Variants in ADGRB3 observed in about 807,000 individuals in gnomAD.
The protein encoded by ADGRB3 is adhesion G protein-coupled receptor B3, also known as brain-specific angiogenesis inhibitor 3.
ADGRB3 carries 37 observed loss-of-function variants against 193.4 expected under a neutral mutation model. That is an observed-to-expected ratio of 0.19 (90% CI 0.15 to 0.25). The LOEUF (loss-of-function observed/expected upper bound fraction) is 0.25. Among genes scored for constraint, ADGRB3 ranks in the 10% least tolerant of loss-of-function variants. ADGRB3 has a pLI of 1.00. For missense variants in ADGRB3, 1,637 were observed against 1,852.9 expected (o/e 0.88, Z 2.14); for synonymous variants, 690 against 644.2 (o/e 1.07, Z -1.08).
chr6:68,852,987 C>G (rs933820067), intron 3 of ADGRB3, among the ~76,000 whole-genome samples: 1 of 152,034 alleles, frequency 6.6e-6, no homozygotes, highest in East Asian at 1.9e-4. Context: ...GCCATATATA[C>G]TGCTCAGCAG....
At chr6:69,309,169 C>A (rs1453788958) in intron 20 of ADGRB3, among the ~76,000 whole-genome samples, 1 of 151,624 alleles carries the variant, frequency 6.6e-6, no homozygotes, top group Non-Finnish European at 1.5e-5. Flanking sequence ...TTTCACACAA[C>A]AAATATTTAT....
chr6:69,386,576 C>A (rs564784708), intron 31 of ADGRB3, among the ~76,000 whole-genome samples: 1 of 152,216 alleles, frequency 6.6e-6, no homozygotes, highest in South Asian at 2.1e-4. Flanking sequence ...AGTAGCCAGG[C>A]ATTCAGAATC....
intron 20 of ADGRB3, among the ~76,000 whole-genome samples, chr6:69,267,331 T>C (rs1008671173): frequency 3.9e-5 from 6 of 152,094 alleles, no homozygotes; most frequent in African/African-American, 1.4e-4. Context: ...TAGGAGTCAG[T>C]GTCAAAACCC....
chr6:69,212,608 C>T (rs1236719973), intron 17 of ADGRB3, among the ~76,000 whole-genome samples: 1 of 152,014 alleles, frequency 6.6e-6, no homozygotes, highest in Non-Finnish European at 1.5e-5. Context: ...AATTGCACTG[C>T]TTGATTGTCC....
At chr6:69,209,357 A>G (rs1765606676) in intron 17 of ADGRB3, among the ~76,000 whole-genome samples, 1 of 152,178 alleles carries the variant, frequency 6.6e-6, no homozygotes, top group African/African-American at 2.4e-5. Context: ...CTTATCCTTC[A>G]CCTTAGAAGG....
At chr6:68,682,599 T>G (rs1057191928) in intron 3 of ADGRB3, among the ~76,000 whole-genome samples, 8 of 152,190 alleles carry the variant, frequency 5.3e-5, no homozygotes, top group Admixed American at 2.6e-4. Flanking sequence ...GTAAAATTTA[T>G]CAGACTATGC....
At chr6:68,816,748 G>GAA (rs147465877) in intron 3 of ADGRB3, among the ~76,000 whole-genome samples, 1,926 of 151,484 alleles carry the variant, frequency 0.013, 41 homozygotes, top group African/African-American at 0.044. Flanking sequence ...ATGAGAAAAA[G>GAA]AAAAAAAATA....
At chr6:68,742,474 T>A (rs953482872) in intron 3 of ADGRB3, among the ~76,000 whole-genome samples, 2 of 152,120 alleles carry the variant, frequency 1.3e-5, no homozygotes, top group African/African-American at 4.8e-5. Context: ...GCTGATTCTT[T>A]GAAAAGTGAG....
rs565111430 is a variant in ADGRB3, at chr6:68,647,192, G to A, written c.757+7760G>A. 5.9e-5 allele frequency among the ~76,000 whole-genome samples: 9 copies of A among 152,132 alleles called. No individual in the cohort carries two copies. In the South Asian group the frequency reaches 1.9e-3, roughly 32 times the overall value. ...GTAATTGAAATAAATTTTCACTGAG[G>A]TATTTTTCATTATGTTTAAAACTGC... On this transcript the variant is annotated intron_variant, in intron 3 of 31. Transcript: ENST00000370598.
intron 3 of ADGRB3, among the ~76,000 whole-genome samples, chr6:68,845,614 G>A: frequency 6.6e-6 from 1 of 152,102 alleles, no homozygotes; most frequent in South Asian, 2.1e-4. Flanking sequence ...GTGAATAAGT[G>A]TCACGAGATC....
chr6:69,244,220 T>G (rs1305400871), intron 20 of ADGRB3, among the ~76,000 whole-genome samples: 1 of 151,840 alleles, frequency 6.6e-6, no homozygotes, highest in Non-Finnish European at 1.5e-5. Flanking sequence ...CTCTATTATG[T>G]TTTCTTCTAC....
chr6:68,808,247 A>G (rs559450930), intron 3 of ADGRB3, among the ~76,000 whole-genome samples: 10 of 152,306 alleles, frequency 6.6e-5, no homozygotes, highest in South Asian at 2.1e-4. Flanking sequence ...TATAATCAAT[A>G]AGAGAAGTAA....
At chr6:68,898,217 T>G (rs1766294804) in intron 3 of ADGRB3, among the ~76,000 whole-genome samples, 1 of 151,858 alleles carries the variant, frequency 6.6e-6, no homozygotes, top group Admixed American at 6.6e-5. Flanking sequence ...AAATCCAAAA[T>G]CCTGAGAACC....
At chr6:69,019,287 A>G (rs1395661774) in intron 13 of ADGRB3, among the ~76,000 whole-genome samples, 1 of 152,026 alleles carries the variant, frequency 6.6e-6, no homozygotes, top group Non-Finnish European at 1.5e-5. Context: ...CTCTTAACAT[A>G]AAAACCACTG....
At chr6:68,747,850 C>T (rs1766114802) in intron 3 of ADGRB3, among the ~76,000 whole-genome samples, 1 of 152,052 alleles carries the variant, frequency 6.6e-6, no homozygotes, top group Non-Finnish European at 1.5e-5. Flanking sequence ...TAGAGACATA[C>T]CCGTGACTTG....
intron 20 of ADGRB3, among the ~76,000 whole-genome samples, chr6:69,286,439 T>C (rs1767553246): frequency 6.6e-6 from 1 of 152,138 alleles, no homozygotes; most frequent in Non-Finnish European, 1.5e-5. Flanking sequence ...AACCCCAACT[T>C]AGAAAGAAGA....
chr6:69,386,427 A>G (rs556443873), intron 31 of ADGRB3, among the ~76,000 whole-genome samples: 2 of 152,066 alleles, frequency 1.3e-5, no homozygotes, highest in African/African-American at 2.4e-5. Context: ...CGTGTATGAT[A>G]AATGAGTCCA....
intron 13 of ADGRB3, among the ~76,000 whole-genome samples, chr6:69,043,087 T>A (rs183516441): frequency 6.6e-6 from 1 of 152,208 alleles, no homozygotes; most frequent in Admixed American, 6.5e-5. Flanking sequence ...AATACTGAAT[T>A]TGACATTCTT....
At chr6:68,850,736 T>G (rs1375301227) in intron 3 of ADGRB3, among the ~76,000 whole-genome samples, 1 of 152,054 alleles carries the variant, frequency 6.6e-6, no homozygotes, top group Admixed American at 6.6e-5. Flanking sequence ...TTGTTTTTCT[T>G]TAATCATTTT....
Sources: gnomAD v4.1 joint callset for allele counts (sites outside exome capture counted in the v4.1 genomes callset) on GRCh38, gnomAD v4.1.1 for gene constraint, MANE v1.5 for transcripts, NCBI Gene and HGNC (gene_info 2026-07-23, HGNC 2026-07-21) for gene names.